The following PACS2 variants were observed in gnomAD, a reference collection of about 807,000 sequenced individuals.
PACS2 encodes PACS1-like protein.
Under a neutral mutation model 113.0 loss-of-function variants are expected in PACS2, and 36 were observed. The observed-to-expected ratio is 0.32, with a 90% confidence interval of 0.24 to 0.42. The LOEUF (loss-of-function observed/expected upper bound fraction) is 0.42. Ranked by LOEUF, PACS2 falls within the 10% of genes least tolerant of loss-of-function variation. The pLI is 1.00. For synonymous variants in PACS2, 589 were observed against 536.1 expected (o/e 1.10, Z -1.36); for missense variants, 1,015 against 1,239.5 (o/e 0.82, Z 2.72).
At chr14:105,382,768 C>T (rs782429509) in intron 14 of PACS2, 39 bp from the exon 15 acceptor site, 6 of 1,329,762 alleles carry the variant, frequency 4.5e-6, no homozygotes, top group South Asian at 1.2e-5. Flanking sequence ...GTGGCCTGGG[C>T]GGCTGTGCCG....
Position 105,384,472 on chromosome 14 carries a change from C to T in PACS2, c.1891+9C>T, listed in dbSNP as rs374892525. ...GGAGGCCCAGAGTGCGGGTGAGGCC[C>T]GGGCGCGTCCACAGCCCACGCCACG... On this transcript the variant is annotated intron_variant, in intron 17 of 24. Transcript: ENST00000447393. The T allele has an allele frequency of 8.1e-5, 128 of 1,577,166 alleles. No individual in the cohort carries two copies. The highest frequency in any genetic ancestry group is 6.7e-4 in the Middle Eastern group (4 of 6,010).
In PACS2 at chr14:105,348,979, G is replaced by T. The variant is rs1279673826; in HGVS notation, c.207+399G>T. 6.6e-6 allele frequency among the ~76,000 whole-genome samples: 1 copy of T among 152,208 alleles called. No homozygotes were observed. Among genetic ancestry groups the T allele is most frequent in the Non-Finnish European group, 1.5e-5 (1 of 68,020 alleles). On this transcript the variant is annotated intron_variant, in intron 2 of 24. Coordinates refer to ENST00000447393, the MANE Select transcript of PACS2 (RefSeq NM_001100913.3). The surrounding 1 kb of genome is among the most constrained non-coding windows in gnomAD (Gnocchi z 6.4). ...GGGAGCAGGGCACTCTGGGAGGCGAGGGCCTAGCCAGAACTCCCAGCCCCT... is the reference window on the plus strand; with the variant it reads ...GGGAGCAGGGCACTCTGGGAGGCGATGGCCTAGCCAGAACTCCCAGCCCCT...
chr14:105,331,497 G>GC (rs1462826618), intron 1 of PACS2, among the ~76,000 whole-genome samples: 1 of 152,182 alleles, frequency 6.6e-6, no homozygotes, highest in Non-Finnish European at 1.5e-5. Context: ...GCTCCCTGCA[G>GC]CCTCAAACTC....
Position 105,362,152 on chromosome 14 carries a change from C to T in PACS2, c.424-5061C>T, listed in dbSNP as rs587611965. On this transcript the variant is annotated intron_variant, in intron 4 of 24. Coordinates refer to ENST00000447393, the MANE Select transcript of PACS2 (RefSeq NM_001100913.3). ...AAAAAGAATGGGCCAGGTGTGGTGG[C>T]TCACGCCTGTCATCCCAGCACTTTG... 2.1e-4 allele frequency among the ~76,000 whole-genome samples: 32 copies of T among 151,582 alleles called. No individual in the cohort carries two copies. In the South Asian group the frequency reaches 5.4e-3, roughly 26 times the overall value.
At chr14:105,349,790 C>G (rs1371837638) in intron 2 of PACS2, among the ~76,000 whole-genome samples, 4 of 152,252 alleles carry the variant, frequency 2.6e-5, no homozygotes, top group Non-Finnish European at 5.9e-5. Context: ...GCCCCAGGAA[C>G]TTCCAGGAGC....
At chr14:105,374,109 T>C (rs28588179) in intron 8 of PACS2, among the ~76,000 whole-genome samples, 7,491 of 149,966 alleles carry the variant, frequency 0.05, 636 homozygotes, top group African/African-American at 0.17. Context: ...GAGCCAACAT[T>C]GCATCATTGC....
intron 8 of PACS2, 55 bp downstream of exon 8, chr14:105,369,955 CG>C: frequency 6.8e-7 from 1 of 1,460,130 alleles, no homozygotes; most frequent in Non-Finnish European, 9.3e-7. Flanking sequence ...AGCACCTGGT[CG>C]GGAGGAGGCC....
intron 1 of PACS2, among the ~76,000 whole-genome samples, chr14:105,303,875 C>T (rs1017247996): frequency 6.6e-6 from 1 of 152,230 alleles, no homozygotes; most frequent in Non-Finnish European, 1.5e-5. Context: ...ACACTGTTGT[C>T]TCCATTTTAT....
Position 105,315,153 on chromosome 14 carries a change from C to A in PACS2, c.119+116C>A. 1.8e-6 allele frequency: 1 copy of A among 543,234 alleles called. No homozygotes were observed. Among genetic ancestry groups the A allele is most frequent in the Non-Finnish European group, 2.4e-6 (1 of 417,662 alleles). The allele number at this position is 543,234 out of a possible 1,614,324, so 33.7% of individuals were successfully genotyped here. A position where few individuals can be genotyped will look rare whatever the true frequency, so the allele number is the denominator to read the frequency against. On this transcript the variant is annotated intron_variant, in intron 1 of 24. Coordinates refer to ENST00000447393, the MANE Select transcript of PACS2 (RefSeq NM_001100913.3). This position sits in a 1 kb window ranked among gnomAD's most constrained non-coding sequence, Gnocchi z 4.4. ...TCCCCCAGCGGAGCCCAGGTCGCCC[C>A]CCGCGCCCCCGCCCGCCGGTTCGAC...
chr14:105,371,951 CTCA>C (rs1555409474), intron 8 of PACS2: 1 of 152,260 alleles, frequency 6.6e-6, no homozygotes, highest in African/African-American at 2.4e-5. Context: ...TCAAGCCTCC[CTCA>C]TCAGGGCCCT....
At position 105,381,786 on chromosome 14, in the gene PACS2, A is replaced by C. The variant is rs1465577420; in HGVS notation, c.1269-128A>C. 3.7e-6 allele frequency: 3 copies of C among 811,094 alleles called. No individual in the cohort carries two copies. The Admixed American group carries it at 8.6e-5, about 23-fold the overall frequency. 50.2% of individuals were successfully genotyped at this position (811,094 alleles called of 1,614,324 possible). ...GCAGCCCATGTTCCCACTGCCCATC[A>C]GTCAGCCCTGTGCTCACCCTTCCCT... On this transcript the variant is annotated intron_variant, in intron 12 of 24. Transcript: ENST00000447393.
chr14:105,388,744 C>T (rs587629012), intron 19 of PACS2: 2 of 152,472 alleles, frequency 1.3e-5, no homozygotes, highest in African/African-American at 4.8e-5. Context: ...CACTTGCCGG[C>T]ATCAGACTCT....
chr14:105,384,820 C>T (rs1274037931), intron 17 of PACS2, 59 bp from the exon 18 acceptor site: 12 of 1,150,812 alleles, frequency 1.0e-5, no homozygotes, highest in Non-Finnish European at 1.4e-5. Context: ...CCCAGCTTAG[C>T]CCCGCCTGCA....
In PACS2 at chr14:105,380,151, C is replaced by G. The variant is rs1555411578; in HGVS notation, c.1122C>G (p.Ala374=). The G allele has an allele frequency of 6.4e-7, 1 of 1,551,514 alleles. No homozygotes were observed. ...GCGACAGTGTCTCTGACACGGTGGC[C>G]CTCGTAAGCAGGCTTGGGCCGCACC... ...QPSDSVSDTV[A]LGVPGPREHP... The change falls in exon 11 of 25, where the codon GCC becomes GCG. Residue 374 remains alanine, a synonymous_variant. Coordinates refer to ENST00000447393, the MANE Select transcript of PACS2 (RefSeq NM_001100913.3).
intron 6 of PACS2, 88 bp from the exon 7 acceptor site, chr14:105,368,371 C>G (rs914365988): frequency 1.9e-6 from 2 of 1,056,598 alleles, no homozygotes; most frequent in Non-Finnish European, 3.0e-6. Flanking sequence ...AGTGCCGGGC[C>G]TCTCCCATCG....
In PACS2 at chr14:105,358,343, C is replaced by T. The variant is rs1399988325; in HGVS notation, c.423+3166C>T. On this transcript the variant is annotated intron_variant, in intron 4 of 24. Transcript: ENST00000447393. The surrounding 1 kb of genome is among the most constrained non-coding windows in gnomAD (Gnocchi z 4.9). ...CCCAGGGCCTGCTGGGCACGCGCCT[C>T]TGCCTGCCACTTCTCAGGAAGCTTG... 6.6e-6 allele frequency among the ~76,000 whole-genome samples: 1 copy of T among 152,232 alleles called. No homozygotes were observed. Among genetic ancestry groups the T allele is most frequent in the Non-Finnish European group, 1.5e-5 (1 of 68,032 alleles).
chr14:105,387,466 C>T (rs1360623975), intron 19 of PACS2, among the ~76,000 whole-genome samples: 3 of 152,198 alleles, frequency 2.0e-5, no homozygotes, highest in African/African-American at 7.2e-5. Context: ...GCATCTGTGC[C>T]CTCCGTGCCC....
At chr14:105,377,835 G>A (rs887707812) in intron 9 of PACS2, among the ~76,000 whole-genome samples, 2 of 152,244 alleles carry the variant, frequency 1.3e-5, no homozygotes, top group Non-Finnish European at 2.9e-5. Context: ...CGAGGCTGTG[G>A]CCTCATTCTT....
In PACS2 at chr14:105,355,009, G is replaced by GCCC. The variant is rs782287967; in HGVS notation, c.298-41_298-39dup. 6.2e-7 allele frequency: 1 copy of GCCC among 1,602,200 alleles called. No homozygotes were observed. The highest frequency in any genetic ancestry group is 1.1e-5 in the South Asian group (1 of 89,666). Reference sequence around the variant, plus strand: ...GTCAGAGGCCGTGATGCTGCCTGGGGCCCCGGTGCACCCTCAGCTGCCACT... The same window carrying GCCC: ...GTCAGAGGCCGTGATGCTGCCTGGGGCCCCCCCGGTGCACCCTCAGCTGCCACT... On this transcript the variant is annotated intron_variant, in intron 3 of 24. Coordinates refer to ENST00000447393, the MANE Select transcript of PACS2 (RefSeq NM_001100913.3). This position sits in a 1 kb window ranked among gnomAD's most constrained non-coding sequence, Gnocchi z 4.1.
Sources: allele counts gnomAD v4.1 joint callset (sites outside exome capture counted in the v4.1 genomes callset), GRCh38; gene constraint gnomAD v4.1.1; non-coding constraint Gnocchi (gnomAD v3.1); transcripts MANE v1.5; gene names NCBI Gene and HGNC (gene_info 2026-07-23, HGNC 2026-07-21).